KCNH8: variants seen among roughly 807,000 people sequenced by gnomAD.
KCNH8 encodes the protein voltage-gated delayed rectifier potassium channel KCNH8.
In KCNH8, 70 loss-of-function variants were observed where a neutral mutation model predicts 103.6. The observed-to-expected ratio is 0.68, with a 90% CI of 0.56 to 0.82. The LOEUF (loss-of-function observed/expected upper bound fraction) is 0.82. KCNH8 is among the 40% of genes least tolerant of loss of function. The probability of loss-of-function intolerance (pLI) is 0.00; values close to 1 mark genes in which losing one functional copy is unlikely to be tolerated. For missense variants in KCNH8, 1,217 were observed against 1,329.9 expected (o/e 0.92, Z 1.32); for synonymous variants, 498 against 489.4 (o/e 1.02, Z -0.23).
At chr3:19,334,537 A>C (rs957881196) in intron 3 of KCNH8, among the ~76,000 whole-genome samples, 1 of 152,120 alleles carries the variant, frequency 6.6e-6, no homozygotes, top group Non-Finnish European at 1.5e-5. Flanking sequence ...TATATTCAAA[A>C]TTTATATTGA....
chr3:19,234,705 G>T (rs914842134), intron 1 of KCNH8, among the ~76,000 whole-genome samples: 1 of 152,270 alleles, frequency 6.6e-6, no homozygotes, highest in African/African-American at 2.4e-5. Flanking sequence ...TGCAGCGGCG[G>T]GCTGAAGGGC....
At chr3:19,156,310 A>G (rs1176081495) in intron 1 of KCNH8, among the ~76,000 whole-genome samples, 1 of 152,180 alleles carries the variant, frequency 6.6e-6, no homozygotes, top group Non-Finnish European at 1.5e-5. Flanking sequence ...GAATTCTACT[A>G]TATCATATTA....
intron 8 of KCNH8, among the ~76,000 whole-genome samples, chr3:19,439,315 A>C (rs1371450463): frequency 2.6e-5 from 4 of 152,230 alleles, no homozygotes. Flanking sequence ...TTTTTAAAGC[A>C]TTAAGCATAT....
chr3:19,222,242 T>G (rs2063883840), intron 1 of KCNH8, among the ~76,000 whole-genome samples: 1 of 152,238 alleles, frequency 6.6e-6, no homozygotes, highest in African/African-American at 2.4e-5. Flanking sequence ...ATTTTTGTCT[T>G]TTTGCCTTCT....
intron 4 of KCNH8, 111 bp from the exon 5 acceptor site, chr3:19,347,614 C>A: frequency 3.1e-6 from 4 of 1,277,876 alleles, no homozygotes; most frequent in Non-Finnish European, 4.3e-6. Context: ...TTGTAAGATA[C>A]TGCTTTGTGT....
chr3:19,531,180 T>G (rs1051713960), intron 15 of KCNH8, among the ~76,000 whole-genome samples: 2 of 152,250 alleles, frequency 1.3e-5, no homozygotes, highest in Admixed American at 6.5e-5. Flanking sequence ...TACAGGAATT[T>G]AGCTTGGACA....
chr3:19,178,479 A>C (rs553716708), intron 1 of KCNH8, among the ~76,000 whole-genome samples: 34 of 152,128 alleles, frequency 2.2e-4, no homozygotes, highest in Admixed American at 7.2e-4. Flanking sequence ...GAGAGGGAAG[A>C]CTGGCATTAC....
At chr3:19,326,370 T>C (rs1243554537) in intron 3 of KCNH8, among the ~76,000 whole-genome samples, 1 of 147,228 alleles carries the variant, frequency 6.8e-6, no homozygotes, top group Non-Finnish European at 1.5e-5. Flanking sequence ...TATATATATA[T>C]ATATATATAT....
rs1446661341 is a variant in KCNH8, at chr3:19,339,204, T to C, written c.443-3383T>C. ...CCCTTTGAGGGGACCTTTTCTAAGATGATAAAATTGCAATTATTTGATTTG... is the reference window on the plus strand; with the variant it reads ...CCCTTTGAGGGGACCTTTTCTAAGACGATAAAATTGCAATTATTTGATTTG... On this transcript the variant is annotated intron_variant, in intron 3 of 15. Transcript: ENST00000328405. Among the ~76,000 whole-genome samples, 3 of 152,128 alleles carry C rather than the reference T, an allele frequency of 2.0e-5. No homozygotes were observed. The East Asian group carries it at 5.8e-4, about 29-fold the overall frequency.
chr3:19,438,853 T>G (rs2067238544), intron 8 of KCNH8, among the ~76,000 whole-genome samples: 1 of 152,210 alleles, frequency 6.6e-6, no homozygotes. Context: ...TTTCAGACTC[T>G]TCACTCAGTT....
At chr3:19,304,466 AATAG>A (rs754342383) in intron 3 of KCNH8, among the ~76,000 whole-genome samples, 2 of 152,114 alleles carry the variant, frequency 1.3e-5, no homozygotes, top group Non-Finnish European at 2.9e-5. Context: ...AATATCTCTA[AATAG>A]ATAAGAATAA....
rs1311252175 is a variant in KCNH8 at position 19,252,604 on chromosome 3, G to A, written c.77-1050G>A. On this transcript the variant is annotated intron_variant, in intron 1 of 15. Coordinates refer to ENST00000328405, the MANE Select transcript of KCNH8 (RefSeq NM_144633.3). ...GGGGTTTCACCATATTGGCCAGGCT[G>A]GTTTTGAACTCCTGACCTCGTGATC... Among the ~76,000 whole-genome samples, 4 of 151,890 alleles carry A rather than the reference G, an allele frequency of 2.6e-5. No individual in the cohort carries two copies. In the East Asian group the frequency reaches 7.8e-4, roughly 30 times the overall value.
chr3:19,270,507 A>G (rs113538349), intron 2 of KCNH8, among the ~76,000 whole-genome samples: 172 of 152,264 alleles, frequency 1.1e-3, no homozygotes, highest in African/African-American at 4.0e-3. Flanking sequence ...ACGCAAGGAT[A>G]AGCTTATTGG....
intron 1 of KCNH8, among the ~76,000 whole-genome samples, chr3:19,178,973 T>C (rs1189410379): frequency 6.6e-6 from 1 of 152,142 alleles, no homozygotes; most frequent in Non-Finnish European, 1.5e-5. Flanking sequence ...GTATTCATAG[T>C]ATTATGTTAC....
chr3:19,393,866 A>G (rs1359901565), intron 6 of KCNH8, among the ~76,000 whole-genome samples: 2 of 152,122 alleles, frequency 1.3e-5, no homozygotes, highest in Admixed American at 6.6e-5. Context: ...TTTGTTGGAT[A>G]TCAATTTCTA....
intron 2 of KCNH8, among the ~76,000 whole-genome samples, chr3:19,275,879 G>T (rs1401940770): frequency 6.6e-6 from 1 of 152,122 alleles, no homozygotes; most frequent in East Asian, 1.9e-4. Context: ...GCCGTCAGGT[G>T]TTTTTAATCG....
chr3:19,451,520 C>A, intron 10 of KCNH8, 116 bp downstream of exon 10: 1 of 884,906 alleles, frequency 1.1e-6, no homozygotes, highest in Non-Finnish European at 1.8e-6. Context: ...AAGACATGAA[C>A]TCAGGAGTAT....
chr3:19,373,387 G>C (rs1361417646), intron 5 of KCNH8, among the ~76,000 whole-genome samples: 1 of 152,128 alleles, frequency 6.6e-6, no homozygotes, highest in African/African-American at 2.4e-5. Context: ...AGATTTTCTA[G>C]TTTATTTGCG....
At position 19,534,022 on chromosome 3, in the gene KCNH8, A is replaced by T; in HGVS notation, c.3247A>T (p.Lys1083Ter). ...NQEGMASAST[K>*]PLENLPLEVV... ...GGAAGGAATGGCATCAGCTTCTACA[A>T]AACCTTTGGAGAACCTTCCACTGGA... The change falls in exon 16 of 16, where the codon AAA becomes TAA. Residue 1083 changes from lysine (K) to a stop codon, truncating the protein, a stop_gained. Coordinates refer to ENST00000328405, the MANE Select transcript of KCNH8 (RefSeq NM_144633.3). LOFTEE classifies it high-confidence loss of function. The T allele has an allele frequency of 1.2e-6, 2 of 1,614,198 alleles. No homozygotes were observed. Among genetic ancestry groups the T allele is most frequent in the Non-Finnish European group, 1.7e-6 (2 of 1,180,024 alleles).
Sources: gnomAD v4.1 joint callset for allele counts (sites outside exome capture counted in the v4.1 genomes callset) on GRCh38, gnomAD v4.1.1 for gene constraint, MANE v1.5 for transcripts, NCBI Gene and HGNC (gene_info 2026-07-23, HGNC 2026-07-21) for gene names.